The following LDAH variants were observed in gnomAD, a reference collection of about 807,000 sequenced individuals.
The protein encoded by LDAH is lipid droplet associated hydrolase.
Under a neutral mutation model 29.6 loss-of-function variants are expected in LDAH, and 26 were observed. That is an observed-to-expected ratio of 0.88 (90% CI 0.64 to 1.22). LDAH has a LOEUF of 1.22. Ranked by LOEUF, LDAH falls within the 50% of genes most tolerant of loss-of-function variation. LDAH has a pLI of 0.00. For synonymous variants in LDAH, 117 were observed against 133.0 expected (o/e 0.88, Z 0.83); for missense variants, 344 against 387.3 (o/e 0.89, Z 0.94).
chr2:20,702,384 T>C (rs962719344), intron 5 of LDAH, among the ~76,000 whole-genome samples: 2 of 152,256 alleles, frequency 1.3e-5, no homozygotes, highest in Non-Finnish European at 2.9e-5. Flanking sequence ...TTTTGTCATT[T>C]TGTTTCAAGT....
At chr2:20,699,222 C>T (rs1663733330) in intron 6 of LDAH, among the ~76,000 whole-genome samples, 1 of 152,088 alleles carries the variant, frequency 6.6e-6, no homozygotes, top group South Asian at 2.1e-4. Flanking sequence ...AGTTTCTGAA[C>T]GCCTTTGTTT....
At chr2:20,757,561 A>G (rs1668416143) in intron 4 of LDAH, among the ~76,000 whole-genome samples, 1 of 152,176 alleles carries the variant, frequency 6.6e-6, no homozygotes, top group African/African-American at 2.4e-5. Context: ...GTGATGGTCA[A>G]TTTTACATGT....
intron 2 of LDAH, among the ~76,000 whole-genome samples, chr2:20,791,120 A>C (rs1375718495): frequency 6.6e-6 from 1 of 152,174 alleles, no homozygotes; most frequent in Non-Finnish European, 1.5e-5. Context: ...TGGAGCACTG[A>C]TGTAAATAAC....
intron 1 of LDAH, among the ~76,000 whole-genome samples, chr2:20,802,303 A>C (rs905746381): frequency 6.6e-6 from 1 of 151,944 alleles, no homozygotes; most frequent in Non-Finnish European, 1.5e-5. Context: ...CAGATAATCC[A>C]CCCACCTCGG....
At chr2:20,739,950 C>T in intron 5 of LDAH, 21 bp downstream of exon 5, 1 of 1,551,284 alleles carries the variant, frequency 6.4e-7, no homozygotes. Context: ...TAAACATACA[C>T]ATTTTAAAAT....
intron 4 of LDAH, among the ~76,000 whole-genome samples, chr2:20,768,930 C>T (rs889338849): frequency 1.3e-5 from 2 of 152,290 alleles, no homozygotes; most frequent in Non-Finnish European, 1.5e-5. Context: ...GATTAATTTA[C>T]CTGATGCATG....
chr2:20,694,399 A>C (rs1301766950), intron 6 of LDAH, among the ~76,000 whole-genome samples: 1 of 152,208 alleles, frequency 6.6e-6, no homozygotes, highest in East Asian at 1.9e-4. Context: ...TTACTTAAAA[A>C]ATCTTATCCC....
chr2:20,766,265 C>G (rs540602063), intron 4 of LDAH, among the ~76,000 whole-genome samples: 1 of 152,296 alleles, frequency 6.6e-6, no homozygotes, highest in Non-Finnish European at 1.5e-5. Flanking sequence ...TGGTCACAAA[C>G]AGACGCTTCC....
chr2:20,708,776 T>C (rs1472315545), intron 5 of LDAH, among the ~76,000 whole-genome samples: 3 of 152,114 alleles, frequency 2.0e-5, no homozygotes, highest in Non-Finnish European at 4.4e-5. Flanking sequence ...TACAGAATGG[T>C]TTGTAACTAT....
Position 20,778,989 on chromosome 2 carries a change from T to C in LDAH, c.299-4010A>G, listed in dbSNP as rs368070784. On this transcript the variant is annotated intron_variant, in intron 3 of 6. Coordinates refer to ENST00000237822, the MANE Select transcript of LDAH (RefSeq NM_021925.4). The stretch of plus-strand genomic sequence containing the variant: ...GTATAAGTTCAACTATTTATTTTCA[T>C]ACAAACAGTATTTATTGGTCATCTC... Among the ~76,000 whole-genome samples, 31 of 152,174 alleles carry C rather than the reference T, an allele frequency of 2.0e-4. 1 individual carries two copies. Among genetic ancestry groups the C allele is most frequent in the East Asian group, 9.6e-4 (5 of 5,186 alleles).
intron 4 of LDAH, among the ~76,000 whole-genome samples, chr2:20,767,521 G>T (rs1249007514): frequency 3.3e-5 from 5 of 152,234 alleles, no homozygotes; most frequent in African/African-American, 1.2e-4. Flanking sequence ...TTGAGGGGGT[G>T]TGTTGAGGGC....
Position 20,774,915 on chromosome 2 carries a change from A to G in LDAH, c.363T>C (p.Ala121=), listed in dbSNP as rs1669699111. 6.2e-7 allele frequency: 1 copy of G among 1,613,548 alleles called. No individual in the cohort carries two copies. Among genetic ancestry groups the G allele is most frequent in the Admixed American group, 1.7e-5 (1 of 59,978 alleles). The change falls in exon 4 of 7, where the codon GCT becomes GCC. Residue 121 remains alanine (A), a synonymous_variant. Coordinates refer to ENST00000237822, the MANE Select transcript of LDAH (RefSeq NM_021925.4). ...GLNGQIEHKL[A]FLRTHVPKDM... The stretch of plus-strand genomic sequence containing the variant: ...CCTTTGGCACATGAGTTCTCAGGAA[A>G]GCTAGTTTGTGCTCTATTTGTCCAT...
At chr2:20,748,766 C>T (rs1018053806) in intron 4 of LDAH, among the ~76,000 whole-genome samples, 18 of 152,294 alleles carry the variant, frequency 1.2e-4, no homozygotes, top group Middle Eastern at 3.4e-3. Flanking sequence ...ACTACTATGG[C>T]CTTTGGCAAT....
intron 5 of LDAH, among the ~76,000 whole-genome samples, chr2:20,735,089 G>A (rs113026910): frequency 0.028 from 4,289 of 152,114 alleles, 201 homozygotes; most frequent in African/African-American, 0.099. Context: ...GCTTGGTTAT[G>A]GTGTTTTAGT....
At chr2:20,763,710 A>G (rs1044813278) in intron 4 of LDAH, among the ~76,000 whole-genome samples, 9 of 152,240 alleles carry the variant, frequency 5.9e-5, no homozygotes, top group African/African-American at 2.2e-4. Flanking sequence ...TTCCCAAGCT[A>G]TTAGACATCT....
chr2:20,701,333 T>C (rs1234758456), intron 6 of LDAH, among the ~76,000 whole-genome samples: 1 of 152,194 alleles, frequency 6.6e-6, no homozygotes, highest in African/African-American at 2.4e-5. Flanking sequence ...TAGAAAAGTA[T>C]TGATTCTAAA....
chr2:20,712,994 A>G (rs1411179701), intron 5 of LDAH, among the ~76,000 whole-genome samples: 2 of 152,234 alleles, frequency 1.3e-5, no homozygotes, highest in Admixed American at 1.3e-4. Context: ...AACTTTCCCA[A>G]CCTAGCAAGG....
intron 4 of LDAH, among the ~76,000 whole-genome samples, chr2:20,768,634 C>T (rs1392219774): frequency 6.6e-6 from 1 of 152,176 alleles, no homozygotes; most frequent in Admixed American, 6.5e-5. Context: ...GGAACGAGCC[C>T]AGTGGGCCCG....
intron 1 of LDAH, among the ~76,000 whole-genome samples, chr2:20,816,721 C>G (rs908296441): frequency 6.6e-6 from 1 of 151,902 alleles, no homozygotes; most frequent in Non-Finnish European, 1.5e-5. Context: ...CATCAATGAA[C>G]AGGACATAAC....
Sources: gnomAD v4.1 joint callset for allele counts (sites outside exome capture counted in the v4.1 genomes callset) on GRCh38, gnomAD v4.1.1 for gene constraint, MANE v1.5 for transcripts, NCBI Gene and HGNC (gene_info 2026-07-23, HGNC 2026-07-21) for gene names.